Variants in PCDH15 observed in about 807,000 individuals in gnomAD.
The protein encoded by PCDH15 is protocadherin-15.
PCDH15 carries 129 observed loss-of-function variants against 178.5 expected under a neutral mutation model. That is an observed-to-expected ratio of 0.72 (90% confidence interval 0.63 to 0.84). The LOEUF is 0.84. PCDH15 is among the 40% of genes least tolerant of loss of function. The pLI is 0.00. For missense variants in PCDH15, 2,230 were observed against 2,099.9 expected (o/e 1.06, Z -1.21); for synonymous variants, 800 against 732.0 (o/e 1.09, Z -1.50).
intron 3 of PCDH15, among the ~76,000 whole-genome samples, chr10:54,479,353 T>C (rs2078527805): frequency 6.6e-6 from 1 of 152,034 alleles, no homozygotes; most frequent in South Asian, 2.1e-4. Flanking sequence ...AGCAAATGAA[T>C]AGTATTTATG....
At chr10:54,262,351 TTAA>T (rs1427286837) in intron 8 of PCDH15, among the ~76,000 whole-genome samples, 2 of 152,114 alleles carry the variant, frequency 1.3e-5, no homozygotes, top group Non-Finnish European at 2.9e-5. Context: ...TGCTGCGTGA[TTAA>T]GGTACATCTG....
chr10:54,083,597 G>A (rs10825224), intron 16 of PCDH15, among the ~76,000 whole-genome samples: 124,032 of 152,106 alleles, frequency 0.82, 51,285 homozygotes, highest in African/African-American at 0.95. Context: ...AAGCCAGTAC[G>A]CAGATTGGTG....
At chr10:55,604,132 T>G (rs1843151348) in intron 2 of PCDH15, among the ~76,000 whole-genome samples, 1 of 101,896 alleles carries the variant, frequency 9.8e-6, no homozygotes, top group East Asian at 2.6e-4. Flanking sequence ...CCAACAAAGA[T>G]CAAAAGAGAC....
At chr10:54,088,498 G>C (rs2094550062) in intron 16 of PCDH15, among the ~76,000 whole-genome samples, 1 of 151,976 alleles carries the variant, frequency 6.6e-6, no homozygotes. Context: ...TCTGATTGTA[G>C]GTTGTTTCTC....
intron 8 of PCDH15, among the ~76,000 whole-genome samples, chr10:54,311,611 C>G (rs2060915373): frequency 6.6e-6 from 1 of 151,964 alleles, no homozygotes; most frequent in African/African-American, 2.4e-5. Flanking sequence ...CGTAGTTTGG[C>G]ATACATTAAG....
intron 15 of PCDH15, among the ~76,000 whole-genome samples, chr10:54,095,126 G>T (rs996398691): frequency 5.3e-5 from 8 of 152,008 alleles, no homozygotes; most frequent in African/African-American, 1.5e-4. Flanking sequence ...AAAAATCAAT[G>T]GATTTGGATG....
intron 22 of PCDH15, 103 bp from the exon 23 acceptor site, chr10:53,959,947 G>C (rs2088109943): frequency 2.2e-6 from 2 of 894,350 alleles, no homozygotes; most frequent in Non-Finnish European, 3.6e-6. Flanking sequence ...CCTGGTTCCA[G>C]AAGGGGAAGC....
At chr10:54,475,462 T>C (rs2078213328) in intron 3 of PCDH15, among the ~76,000 whole-genome samples, 1 of 152,026 alleles carries the variant, frequency 6.6e-6, no homozygotes, top group South Asian at 2.1e-4. Flanking sequence ...AAGATCCCTA[T>C]ACATATTACA....
At chr10:55,115,779 C>A (rs1480815028) in intron 2 of PCDH15, among the ~76,000 whole-genome samples, 1 of 152,084 alleles carries the variant, frequency 6.6e-6, no homozygotes, top group Non-Finnish European at 1.5e-5. Flanking sequence ...AAAATAAATC[C>A]AATTGCATTT....
At position 54,236,895 on chromosome 10, in the gene PCDH15, G is replaced by C. The variant is rs143058902; in HGVS notation, c.913C>G (p.Gln305Glu). The C allele has an allele frequency of 6.7e-5, 108 of 1,613,566 alleles. No homozygotes were observed. In the African/African-American group the frequency reaches 1.1e-3, roughly 17 times the overall value. Reference sequence around the variant, plus strand: ...ATATTCCGGTCCTGATCAATGGCTTGGATTGGTGGCGTAACAATAATGGGG... The same window carrying C: ...ATATTCCGGTCCTGATCAATGGCTTCGATTGGTGGCGTAACAATAATGGGG... ...LNPIIVTPPI[Q>E]AIDQDRNIQP... Residue 305 changes from glutamine to glutamate, a missense_variant, in exon 9 of 38, where the codon CAA (glutamine) becomes GAA (glutamate). Physicochemically the swap from Gln to Glu is conservative, Grantham distance 29 (BLOSUM62 2). Coordinates refer to ENST00000644397, the MANE Select transcript of PCDH15 (RefSeq NM_001384140.1).
chr10:54,918,084 T>A (rs1837388850), intron 2 of PCDH15, among the ~76,000 whole-genome samples: 1 of 152,054 alleles, frequency 6.6e-6, no homozygotes, highest in Non-Finnish European at 1.5e-5. Flanking sequence ...AAACACATCA[T>A]AACCCAAACA....
chr10:54,619,346 G>C (rs2093284154), intron 2 of PCDH15: 1 of 151,764 alleles, frequency 6.6e-6, no homozygotes. Context: ...AAGGAAGAAG[G>C]GTTGATAATT....
At chr10:55,283,426 T>C (rs1451918437) in intron 1 of PCDH15, among the ~76,000 whole-genome samples, 1 of 151,998 alleles carries the variant, frequency 6.6e-6, no homozygotes, top group Non-Finnish European at 1.5e-5. Context: ...AACTCACCTC[T>C]CTGGTACAGC....
intron 2 of PCDH15, among the ~76,000 whole-genome samples, chr10:55,351,843 A>G (rs1844943500): frequency 6.6e-6 from 1 of 152,168 alleles, no homozygotes; most frequent in Non-Finnish European, 1.5e-5. Flanking sequence ...TTGATTCAAC[A>G]TCTCTGCGTG....
At chr10:55,617,087 C>A (rs1459263113) in intron 2 of PCDH15, among the ~76,000 whole-genome samples, 2 of 152,072 alleles carry the variant, frequency 1.3e-5, no homozygotes, top group African/African-American at 4.8e-5. Flanking sequence ...AACCTCTCAA[C>A]CTTGCTTGCT....
chr10:55,195,262 G>A (rs1297210328), intron 1 of PCDH15, among the ~76,000 whole-genome samples: 1 of 151,744 alleles, frequency 6.6e-6, no homozygotes, highest in African/African-American at 2.4e-5. Flanking sequence ...GACTCAAGTG[G>A]TCTCCCAGCT....
chr10:55,174,337 TC>T (rs1337508758), intron 1 of PCDH15, among the ~76,000 whole-genome samples: 3 of 152,120 alleles, frequency 2.0e-5, no homozygotes, highest in African/African-American at 7.2e-5. Context: ...GGCTGCCAGT[TC>T]TGAAGAATCC....
chr10:55,070,966 G>A (rs1165681598), intron 2 of PCDH15, among the ~76,000 whole-genome samples: 1 of 152,020 alleles, frequency 6.6e-6, no homozygotes. Context: ...GCAGTGGTTT[G>A]TAGTTCTCCT....
Position 54,140,917 on chromosome 10 carries a change from C to T in PCDH15, c.1785-7910G>A, listed in dbSNP as rs534523131. Among the ~76,000 whole-genome samples, 55 of 152,184 alleles carry T rather than the reference C, an allele frequency of 3.6e-4. No individual in the cohort carries two copies. The South Asian group carries it at 8.9e-3, about 25-fold the overall frequency. Reference sequence around the variant, plus strand: ...CATGATAGTCTCAATCTCCTGAACTCGTGATCCCCTCTCCTCTGCCTCCCC... The same window carrying T: ...CATGATAGTCTCAATCTCCTGAACTTGTGATCCCCTCTCCTCTGCCTCCCC... On this transcript the variant is annotated intron_variant, in intron 14 of 37. Coordinates refer to ENST00000644397, the MANE Select transcript of PCDH15 (RefSeq NM_001384140.1).
Sources: gnomAD v4.1 joint callset for allele counts (sites outside exome capture counted in the v4.1 genomes callset) on GRCh38, gnomAD v4.1.1 for gene constraint, MANE v1.5 for transcripts, NCBI Gene and HGNC (gene_info 2026-07-23, HGNC 2026-07-21) for gene names.